GJA1: variants seen among roughly 807,000 people sequenced by gnomAD.
The protein encoded by GJA1 is gap junction protein alpha 1.
Under a neutral mutation model 31.0 loss-of-function variants are expected in GJA1, and 9 were observed. The ratio of observed to expected loss-of-function variants is 0.29; its 90% CI spans 0.17 to 0.51. The LOEUF (loss-of-function observed/expected upper bound fraction) is 0.51. Ranked by LOEUF, GJA1 falls within the 20% of genes least tolerant of loss-of-function variation. The pLI is 0.98. For synonymous variants in GJA1, 186 were observed against 180.1 expected, an observed-to-expected ratio of 1.03 and a Z score of -0.26; for missense variants, 278 against 468.8, an observed-to-expected ratio of 0.59 and a Z score of 3.76.
chr6:121,448,078 T>C lies in GJA1; in HGVS notation c.*82T>C, dbSNP rs1773921249. 3 of 1,258,712 alleles carry C rather than the reference T, an allele frequency of 2.4e-6. No individual in the cohort carries two copies. The highest frequency in any genetic ancestry group is 2.3e-6 in the Non-Finnish European group (2 of 858,972). 78.0% of individuals were successfully genotyped at this position (1,258,712 alleles called of 1,614,324 possible). A position where few individuals can be genotyped will look rare whatever the true frequency, so the allele number is the denominator to read the frequency against. On this transcript the variant is annotated 3_prime_UTR_variant, in exon 2 of 2. Transcript: ENST00000282561. ...GTAGAAAGTGCACCAGGTGTTAATT[T>C]TGATCCGGTGGAGGTGGTACTCAAC...
chr6:121,437,732 AG>A (rs1773694083), intron 1 of GJA1, among the ~76,000 whole-genome samples: 1 of 152,192 alleles, frequency 6.6e-6, no homozygotes, highest in South Asian at 2.1e-4. Context: ...CCAGGTACAA[AG>A]TAGGGGTGGG....
rs1193535918 is a variant in GJA1 at position 121,449,583 on chromosome 6, A to T, written c.*1587A>T. 1 of 167,102 alleles carries T rather than the reference A, an allele frequency of 6.0e-6. No individual in the cohort carries two copies. 10.4% of individuals were successfully genotyped at this position (167,102 alleles called of 1,614,324 possible). A position where few individuals can be genotyped will look rare whatever the true frequency, so the allele number is the denominator to read the frequency against. Reference sequence around the variant, plus strand: ...TCAGCTACATAAACAGTTTTGTACAATGAAAATTACTAATTTGTTTGACAT... The same window carrying T: ...TCAGCTACATAAACAGTTTTGTACATTGAAAATTACTAATTTGTTTGACAT... On this transcript the variant is annotated 3_prime_UTR_variant, in exon 2 of 2. Coordinates refer to ENST00000282561, the MANE Select transcript of GJA1 (RefSeq NM_000165.5).
intron 1 of GJA1, among the ~76,000 whole-genome samples, chr6:121,444,508 ATTTTTTCTTG>A (rs1235838526): frequency 6.6e-6 from 1 of 151,866 alleles, no homozygotes; most frequent in Non-Finnish European, 1.5e-5. Context: ...TGCCCATTTC[ATTTTTTCTTG>A]TTCTCTATGG....
Position 121,447,721 on chromosome 6 carries a change from G to C in GJA1, c.874G>C (p.Asp292His). Residue 292 changes from aspartate (D) to histidine (H), a missense_variant, in exon 2 of 2, where the codon GAC becomes CAC. Transcript: ENST00000282561. ...TCCTGGGTACAAGCTGGTTACTGGC[G>C]ACAGAAACAATTCTTCTTGCCGCAA... Reference protein sequence around the residue: ...SPPGYKLVTGDRNNSSCRNYN... With the variant: ...SPPGYKLVTGHRNNSSCRNYN... 8 of 1,613,978 alleles carry C rather than the reference G, an allele frequency of 5.0e-6. No individual in the cohort carries two copies. The highest frequency in any genetic ancestry group is 6.8e-6 in the Non-Finnish European group (8 of 1,180,006).
intron 1 of GJA1, among the ~76,000 whole-genome samples, chr6:121,441,828 T>C (rs551626775): frequency 1.2e-3 from 190 of 152,264 alleles, no homozygotes; most frequent in African/African-American, 4.5e-3. Flanking sequence ...GAGATCAAGC[T>C]AAGGGTGGCT....
chr6:121,438,335 G>A (rs1469344836), intron 1 of GJA1, among the ~76,000 whole-genome samples: 2 of 152,168 alleles, frequency 1.3e-5, no homozygotes, highest in East Asian at 3.8e-4. Context: ...TGGCGACTGT[G>A]ATACCAACAA....
intron 1 of GJA1, among the ~76,000 whole-genome samples, chr6:121,441,515 A>G (rs1769626042): frequency 6.6e-6 from 1 of 152,292 alleles, no homozygotes; most frequent in East Asian, 1.9e-4. Flanking sequence ...GCAAATATTT[A>G]CTATATCAAG....
rs1263438621 is a variant in GJA1, at chr6:121,448,724, T to TA, written c.*731dup. ...ACTCACATTCATTTAATGGTTTCTG[T>TA]AAACATTTTTAAGACAGTTGGGATG... On this transcript the variant is annotated 3_prime_UTR_variant, in exon 2 of 2. Coordinates refer to ENST00000282561, the MANE Select transcript of GJA1 (RefSeq NM_000165.5). 6.0e-6 allele frequency: 1 copy of TA among 166,618 alleles called. No individual in the cohort carries two copies. Among genetic ancestry groups the TA allele is most frequent in the African/African-American group, 2.4e-5 (1 of 41,040 alleles). The allele number at this position is 166,618 out of a possible 1,614,324, so 10.3% of individuals were successfully genotyped here.
intron 1 of GJA1, among the ~76,000 whole-genome samples, chr6:121,441,865 T>A (rs1433879780): frequency 6.6e-6 from 1 of 152,170 alleles, no homozygotes; most frequent in Admixed American, 6.5e-5. Flanking sequence ...AATAGACAAC[T>A]GAGTTCACTC....
chr6:121,442,389 T>C (rs1253643008), intron 1 of GJA1, among the ~76,000 whole-genome samples: 1 of 152,208 alleles, frequency 6.6e-6, no homozygotes, highest in Non-Finnish European at 1.5e-5. Context: ...GAGATCTCAT[T>C]TGAATTAAAG....
intron 1 of GJA1, among the ~76,000 whole-genome samples, chr6:121,439,504 A>G (rs948307625): frequency 2.0e-5 from 3 of 152,220 alleles, no homozygotes; most frequent in African/African-American, 7.2e-5. Context: ...ATTGAAGAAC[A>G]TGGCTTTTAG....
rs754942819 is a variant in GJA1 at position 121,447,583 on chromosome 6, C to T, written c.736C>T (p.Pro246Ser). ...VKDRVKGKSD[P>S]YHATSGALSP... Reference sequence around the variant, plus strand: ...GGATCGGGTTAAGGGAAAGAGCGACCCTTACCATGCGACCAGTGGTGCGCT... The same window carrying T: ...GGATCGGGTTAAGGGAAAGAGCGACTCTTACCATGCGACCAGTGGTGCGCT... Residue 246 changes from proline to serine, a missense_variant, in exon 2 of 2, where the codon CCT becomes TCT. This residue lies in a region of GJA1 where 172 missense variants were observed against 190.9 expected (regional missense o/e 0.90). Transcript: ENST00000282561. 3.7e-6 allele frequency: 6 copies of T among 1,613,378 alleles called. No homozygotes were observed. Among genetic ancestry groups the T allele is most frequent in the African/African-American group, 1.3e-5 (1 of 74,704 alleles).
chr6:121,437,531 G>A (rs1266674446), intron 1 of GJA1, among the ~76,000 whole-genome samples: 1 of 152,050 alleles, frequency 6.6e-6, no homozygotes, highest in African/African-American at 2.4e-5. Flanking sequence ...AGGGCAGGGA[G>A]GAGAGACCCT....
chr6:121,438,170 G>A (rs930189361), intron 1 of GJA1, among the ~76,000 whole-genome samples: 4 of 152,200 alleles, frequency 2.6e-5, no homozygotes, highest in Non-Finnish European at 5.9e-5. Context: ...CCCAGTGTGG[G>A]GGTGCTTTGT....
chr6:121,444,286 A>C (rs1310261151), intron 1 of GJA1, among the ~76,000 whole-genome samples: 1 of 152,126 alleles, frequency 6.6e-6, no homozygotes, highest in Non-Finnish European at 1.5e-5. Context: ...TCCTAAGTAA[A>C]AGGGAAGCTC....
At chr6:121,446,810 A>G in intron 1 of GJA1, 22 bp from the exon 2 acceptor site, 1 of 1,465,858 alleles carries the variant, frequency 6.8e-7, no homozygotes, top group Non-Finnish European at 9.6e-7. Flanking sequence ...TGATCCTTGA[A>G]TTGTCTCTTT....
intron 1 of GJA1, 112 bp from the exon 2 acceptor site, chr6:121,446,720 T>C (rs1194015774): frequency 1.2e-6 from 1 of 809,906 alleles, no homozygotes; most frequent in Non-Finnish European, 2.2e-6. Context: ...GAAAGAATGT[T>C]AGAAATACGT....
intron 1 of GJA1, among the ~76,000 whole-genome samples, chr6:121,444,098 A>G (rs982374218): frequency 2.0e-5 from 3 of 151,900 alleles, no homozygotes; most frequent in African/African-American, 7.3e-5. Flanking sequence ...TTCTCTCACC[A>G]TCAAACTGTC....
intron 1 of GJA1, among the ~76,000 whole-genome samples, chr6:121,436,261 A>G (rs773925845): frequency 1.4e-5 from 2 of 148,118 alleles, no homozygotes; most frequent in Non-Finnish European, 3.0e-5. Flanking sequence ...AAATTTGCTT[A>G]GCGTGCTTCC....
Sources: allele counts gnomAD v4.1 joint callset (sites outside exome capture counted in the v4.1 genomes callset), GRCh38; gene constraint gnomAD v4.1.1; regional missense constraint gnomAD v4.1.1; transcripts MANE v1.5; gene names NCBI Gene and HGNC (gene_info 2026-07-23, HGNC 2026-07-21).